The following ZEB1 variants were observed in gnomAD, a reference collection of about 807,000 sequenced individuals.
ZEB1 encodes the protein zinc finger E-box-binding homeobox 1.
ZEB1 carries 21 observed loss-of-function variants against 84.9 expected under a neutral mutation model. The observed-to-expected ratio is 0.25, with a 90% CI of 0.18 to 0.36. The LOEUF (loss-of-function observed/expected upper bound fraction) is 0.36, where lower values mean the gene tolerates loss of function less well. ZEB1 is among the 10% of genes least tolerant of loss of function. ZEB1 has a pLI of 1.00. For synonymous variants in ZEB1, 420 were observed against 471.1 expected (o/e 0.89, Z 1.41); for missense variants, 1,104 against 1,330.2 (o/e 0.83, Z 2.65).
intron 1 of ZEB1, among the ~76,000 whole-genome samples, chr10:31,442,516 G>A (rs2059148743): frequency 6.6e-6 from 1 of 151,794 alleles, no homozygotes; most frequent in African/African-American, 2.4e-5. Flanking sequence ...ATGTAACAAA[G>A]TTGCACGTTG....
At chr10:31,402,717 A>G (rs1214163885) in intron 1 of ZEB1, among the ~76,000 whole-genome samples, 1 of 151,992 alleles carries the variant, frequency 6.6e-6, no homozygotes, top group African/African-American at 2.4e-5. Flanking sequence ...ACTTTGGTTT[A>G]TAATGAAACA....
intron 6 of ZEB1, among the ~76,000 whole-genome samples, chr10:31,516,713 A>G (rs778861235): frequency 9.9e-5 from 15 of 152,096 alleles, no homozygotes; most frequent in Non-Finnish European, 1.6e-4. Flanking sequence ...AAAATAACAC[A>G]GCAGAGAATT....
rs34285204 is a variant in ZEB1 at position 31,322,751 on chromosome 10, C to CTTTTT, written c.58+3467_58+3471dup. Among the ~76,000 whole-genome samples, 781 of 145,576 alleles carry CTTTTT rather than the reference C, an allele frequency of 5.4e-3. 11 individuals are homozygous for CTTTTT. Among genetic ancestry groups the CTTTTT allele is most frequent in the African/African-American group, 0.019 (749 of 40,356 alleles). On this transcript the variant is annotated intron_variant, in intron 1 of 8. Coordinates refer to ENST00000424869, the MANE Select transcript of ZEB1 (RefSeq NM_001174096.2). ...CTATGTGGTTTTCTTCTTGTTCTAC[C>CTTTTT]TTTTTTTTTTTTGAGAGAGAGATGT...
chr10:31,461,325 G>A, intron 2 of ZEB1, 88 bp downstream of exon 2: 3 of 1,388,142 alleles, frequency 2.2e-6, no homozygotes, highest in Non-Finnish European at 3.0e-6. Context: ...TGGATGAAAA[G>A]TTTGAAATCA....
chr10:31,509,877 G>A (rs182117681), intron 4 of ZEB1, among the ~76,000 whole-genome samples: 1 of 152,278 alleles, frequency 6.6e-6, no homozygotes, highest in East Asian at 1.9e-4. Flanking sequence ...GTCAGGCTTA[G>A]ACAGCTCCAA....
At chr10:31,378,284 A>G (rs189643376) in intron 1 of ZEB1, among the ~76,000 whole-genome samples, 35 of 151,642 alleles carry the variant, frequency 2.3e-4, no homozygotes, top group Non-Finnish European at 4.1e-4. Context: ...TCAAGTGAAC[A>G]TTGAGTAAAA....
intron 2 of ZEB1, among the ~76,000 whole-genome samples, chr10:31,478,512 A>G (rs2064587295): frequency 1.3e-5 from 2 of 152,004 alleles, no homozygotes; most frequent in Non-Finnish European, 2.9e-5. Flanking sequence ...GCTTCTACCC[A>G]AAGGAAAAGA....
intron 1 of ZEB1, among the ~76,000 whole-genome samples, chr10:31,452,784 G>A (rs1325487574): frequency 7.3e-6 from 1 of 136,648 alleles, no homozygotes; most frequent in Non-Finnish European, 1.6e-5. Flanking sequence ...AGATGTTATT[G>A]TAGTCCCAAT....
chr10:31,322,397 TTA>T (rs1467893463), intron 1 of ZEB1, among the ~76,000 whole-genome samples: 1 of 152,226 alleles, frequency 6.6e-6, no homozygotes, highest in Non-Finnish European at 1.5e-5. Flanking sequence ...TAGAGATAGT[TTA>T]TGTTGTTATA....
At chr10:31,479,394 A>G (rs2064740472) in intron 2 of ZEB1, among the ~76,000 whole-genome samples, 1 of 151,956 alleles carries the variant, frequency 6.6e-6, no homozygotes, top group African/African-American at 2.4e-5. Flanking sequence ...AATACTGCCA[A>G]AGTCATTCTG....
At chr10:31,418,882 A>T (rs1448115024) in intron 1 of ZEB1, among the ~76,000 whole-genome samples, 1 of 152,160 alleles carries the variant, frequency 6.6e-6, no homozygotes, top group East Asian at 1.9e-4. Flanking sequence ...GGAAATGCTC[A>T]GTGGAACATT....
At chr10:31,480,548 G>C (rs1205455829) in intron 2 of ZEB1, among the ~76,000 whole-genome samples, 1 of 152,042 alleles carries the variant, frequency 6.6e-6, no homozygotes, top group Non-Finnish European at 1.5e-5. Context: ...CAATGGGCCA[G>C]ATGACCCCTG....
intron 4 of ZEB1, among the ~76,000 whole-genome samples, 171 bp from the exon 5 acceptor site, chr10:31,510,502 A>T (rs573218646): frequency 6.6e-6 from 1 of 152,304 alleles, no homozygotes; most frequent in South Asian, 2.1e-4. Flanking sequence ...CCTTCCTGGA[A>T]ACCACTGTTC....
intron 1 of ZEB1, among the ~76,000 whole-genome samples, chr10:31,327,417 T>C (rs189442182): frequency 4.3e-4 from 66 of 152,298 alleles, no homozygotes; most frequent in Non-Finnish European, 7.3e-4. Flanking sequence ...GACATATAAT[T>C]TACTTTCTTT....
chr10:31,411,827 T>G (rs2054350262), intron 1 of ZEB1, among the ~76,000 whole-genome samples: 1 of 152,106 alleles, frequency 6.6e-6, no homozygotes, highest in Non-Finnish European at 1.5e-5. Flanking sequence ...AAACCAAATT[T>G]TTTACATCAT....
chr10:31,410,519 A>G (rs143671289), intron 1 of ZEB1, among the ~76,000 whole-genome samples: 145 of 152,308 alleles, frequency 9.5e-4, no homozygotes, highest in Middle Eastern at 3.4e-3. Flanking sequence ...CTGGCCTCAT[A>G]AAATGAGTTA....
rs750938616 is a variant in ZEB1, at chr10:31,521,789, T to G, written c.2457T>G (p.Ala819=). Residue 819 remains alanine, a synonymous_variant, in exon 7 of 9, where the codon GCT becomes GCG. Coordinates refer to ENST00000424869, the MANE Select transcript of ZEB1 (RefSeq NM_001174096.2). ...TAQLPTIVAI[A]DQNSVPCLRA... ...AGTTACCCACAATCGTGGCCATTGCTGACCAGAACAGTGTTCCATGCTTAA... is the reference window on the plus strand; with the variant it reads ...AGTTACCCACAATCGTGGCCATTGCGGACCAGAACAGTGTTCCATGCTTAA... The G allele has an allele frequency of 6.2e-7, 1 of 1,614,058 alleles. No homozygotes were observed. Among genetic ancestry groups the G allele is most frequent in the Non-Finnish European group, 8.5e-7 (1 of 1,179,962 alleles).
intron 4 of ZEB1, among the ~76,000 whole-genome samples, chr10:31,503,007 G>A (rs1432390457): frequency 6.6e-6 from 1 of 152,142 alleles, no homozygotes; most frequent in African/African-American, 2.4e-5. Context: ...AGAAGAAATA[G>A]GCTGTGATAC....
intron 1 of ZEB1, among the ~76,000 whole-genome samples, chr10:31,391,926 A>G (rs2049816846): frequency 6.6e-6 from 1 of 152,172 alleles, no homozygotes. Context: ...GTCGACAACC[A>G]CTGTGATCTA....
Sources: allele counts gnomAD v4.1 joint callset (sites outside exome capture counted in the v4.1 genomes callset), GRCh38; gene constraint gnomAD v4.1.1; transcripts MANE v1.5; gene names NCBI Gene and HGNC (gene_info 2026-07-23, HGNC 2026-07-21).